The following NLK variants were observed in gnomAD, a reference collection of about 807,000 sequenced individuals.
NLK encodes serine/threonine-protein kinase NLK.
A neutral mutation model predicts 59.0 loss-of-function variants in NLK; 11 were observed. That is an observed-to-expected ratio of 0.19 (90% CI 0.12 to 0.31). The LOEUF is 0.31. Ranked by LOEUF, NLK falls within the 10% of genes least tolerant of loss-of-function variation. The pLI is 1.00. For missense variants in NLK, 410 were observed against 661.1 expected, an observed-to-expected ratio of 0.62 and a Z score of 4.16; for synonymous variants, 235 against 235.9, an observed-to-expected ratio of 1.00 and a Z score of 0.03.
chr17:28,072,810 A>G (rs998602754), intron 1 of NLK, among the ~76,000 whole-genome samples: 1 of 152,032 alleles, frequency 6.6e-6, no homozygotes, highest in Non-Finnish European at 1.5e-5. Context: ...ATAGTCTCCT[A>G]TTCTGTCATA....
intron 3 of NLK, among the ~76,000 whole-genome samples, chr17:28,159,785 A>AG (rs1419615126): frequency 6.6e-6 from 1 of 152,206 alleles, no homozygotes; most frequent in Admixed American, 6.5e-5. Context: ...AGTAAAAAAA[A>AG]TTATCCTGGC....
intron 3 of NLK, among the ~76,000 whole-genome samples, chr17:28,150,330 T>C (rs1907429622): frequency 6.6e-6 from 1 of 152,152 alleles, no homozygotes; most frequent in Non-Finnish European, 1.5e-5. Flanking sequence ...GGTGGTGATA[T>C]TTGGTTAAGA....
intron 5 of NLK, among the ~76,000 whole-genome samples, chr17:28,166,030 C>T (rs1315312917): frequency 6.6e-6 from 1 of 152,192 alleles, no homozygotes; most frequent in Non-Finnish European, 1.5e-5. Flanking sequence ...GCCTGGCCAA[C>T]ATGGCAAAAC....
chr17:28,087,825 AT>A (rs1193059149), intron 1 of NLK, among the ~76,000 whole-genome samples: 1 of 151,110 alleles, frequency 6.6e-6, no homozygotes, highest in African/African-American at 2.5e-5. Flanking sequence ...GGTCCTGTGA[AT>A]CTGTAACCCA....
chr17:28,073,454 G>C (rs915631158), intron 1 of NLK, among the ~76,000 whole-genome samples: 1 of 152,130 alleles, frequency 6.6e-6, no homozygotes, highest in Admixed American at 6.5e-5. Flanking sequence ...TCACCTTTGT[G>C]AATGTATATT....
intron 8 of NLK, among the ~76,000 whole-genome samples, chr17:28,188,851 T>C (rs1909211934): frequency 6.6e-6 from 1 of 152,162 alleles, no homozygotes; most frequent in Non-Finnish European, 1.5e-5. Flanking sequence ...TATTCTTGTT[T>C]TGTTGATCTT....
intron 3 of NLK, among the ~76,000 whole-genome samples, chr17:28,140,141 G>C (rs1457899253): frequency 6.6e-6 from 1 of 152,086 alleles, no homozygotes; most frequent in Admixed American, 6.6e-5. Flanking sequence ...GCCAGAGTTT[G>C]ATATGCAGAA....
At chr17:28,066,893 A>G (rs890289107) in intron 1 of NLK, among the ~76,000 whole-genome samples, 6 of 152,196 alleles carry the variant, frequency 3.9e-5, no homozygotes, top group African/African-American at 1.2e-4. Context: ...CTGTCTCTGT[A>G]TCCTTTTTTG....
At chr17:28,203,566 T>A in the NLK span, among the ~76,000 whole-genome samples, 1 of 152,140 alleles carries the variant, frequency 6.6e-6, no homozygotes, top group African/African-American at 2.4e-5. Flanking sequence ...AGATGGAGTC[T>A]CACCATGTCG....
chr17:28,203,492 T>A, the NLK span, among the ~76,000 whole-genome samples: 2 of 152,300 alleles, frequency 1.3e-5, 1 homozygote, highest in East Asian at 3.9e-4. Context: ...ACCTTCCCTT[T>A]CCACTCCTCG....
intron 3 of NLK, among the ~76,000 whole-genome samples, chr17:28,138,242 A>G (rs1906842118): frequency 6.6e-6 from 1 of 152,220 alleles, no homozygotes; most frequent in South Asian, 2.1e-4. Flanking sequence ...CTTATTTTTA[A>G]CTTGAAGCAT....
intron 1 of NLK, among the ~76,000 whole-genome samples, chr17:28,052,940 A>AT (rs1285135346): frequency 5.4e-5 from 5 of 93,154 alleles, no homozygotes; most frequent in East Asian, 5.7e-4. Context: ...ACACCTGGCT[A>AT]TTTTTTTTAT....
At chr17:28,200,145 CA>C (rs1210436274), downstream of NLK, among the ~76,000 whole-genome samples, 1 of 152,092 alleles carries the variant, frequency 6.6e-6, no homozygotes, top group Non-Finnish European at 1.5e-5. Flanking sequence ...TTTTATAGAA[CA>C]AAAGTTTTTA....
intron 1 of NLK, among the ~76,000 whole-genome samples, chr17:28,063,144 C>T (rs1015334692): frequency 1.3e-5 from 2 of 152,156 alleles, no homozygotes; most frequent in Admixed American, 6.5e-5. Context: ...GTTGTCCAGG[C>T]TGTTCTCAAA....
At chr17:28,090,623 G>C (rs1046590121) in intron 1 of NLK, among the ~76,000 whole-genome samples, 1 of 152,038 alleles carries the variant, frequency 6.6e-6, no homozygotes, top group Non-Finnish European at 1.5e-5. Context: ...TTGGGAGGCC[G>C]AGAGGTGGGA....
chr17:28,049,618 T>C lies in NLK; in HGVS notation c.458+6287T>C, dbSNP rs527963669. On this transcript the variant is annotated intron_variant, in intron 1 of 10. Coordinates refer to ENST00000407008, the MANE Select transcript of NLK (RefSeq NM_016231.5). ...AATATGAACAATGAAACATGCCTAC[T>C]CTCAGGGTGTCCTCAGCCTTGGTGG... 4.6e-5 allele frequency among the ~76,000 whole-genome samples: 7 copies of C among 152,280 alleles called. No individual in the cohort carries two copies. In the South Asian group the frequency reaches 1.0e-3, roughly 23 times the overall value.
At chr17:28,107,291 T>G (rs1597684201) in intron 1 of NLK, among the ~76,000 whole-genome samples, 1 of 151,808 alleles carries the variant, frequency 6.6e-6, no homozygotes, top group South Asian at 2.1e-4. Flanking sequence ...AAAAATTAGC[T>G]GGGCGTGGTG....
At chr17:28,153,693 G>T (rs1907581771) in intron 3 of NLK, among the ~76,000 whole-genome samples, 1 of 152,126 alleles carries the variant, frequency 6.6e-6, no homozygotes, top group Admixed American at 6.6e-5. Context: ...TGTTGTTTGG[G>T]TTTTTTCTGT....
intron 3 of NLK, among the ~76,000 whole-genome samples, chr17:28,137,732 G>A (rs1241907585): frequency 6.6e-6 from 1 of 151,880 alleles, no homozygotes; most frequent in Non-Finnish European, 1.5e-5. Context: ...GAAACACCAT[G>A]CATTTTTAGA....
Sources: gnomAD v4.1 joint callset for allele counts (sites outside exome capture counted in the v4.1 genomes callset) on GRCh38, gnomAD v4.1.1 for gene constraint, MANE v1.5 for transcripts, NCBI Gene and HGNC (gene_info 2026-07-23, HGNC 2026-07-21) for gene names.